ADK: variants seen among roughly 807,000 people sequenced by gnomAD.
ADK encodes the protein N6,N6-dimethyladenosine kinase.
Under a neutral mutation model 44.7 loss-of-function variants are expected in ADK, and 24 were observed. The ratio of observed to expected loss-of-function variants is 0.54; its 90% confidence interval spans 0.39 to 0.76. ADK has a LOEUF of 0.76. ADK is among the 30% of genes least tolerant of loss of function. The pLI, the probability that ADK is intolerant of heterozygous loss-of-function variation, is 0.00. For synonymous variants in ADK, 128 were observed against 142.6 expected, an observed-to-expected ratio of 0.90 and a Z score of 0.73; for missense variants, 321 against 425.1, an observed-to-expected ratio of 0.76 and a Z score of 2.15.
chr10:74,472,311 A>G (rs1033135522), intron 6 of ADK, among the ~76,000 whole-genome samples: 3 of 152,080 alleles, frequency 2.0e-5, no homozygotes, highest in African/African-American at 4.8e-5. Flanking sequence ...TTTCATATAC[A>G]GTCTTTATTG....
chr10:74,538,327 A>T (rs144329073), intron 7 of ADK, among the ~76,000 whole-genome samples: 1 of 152,194 alleles, frequency 6.6e-6, no homozygotes, highest in African/African-American at 2.4e-5. Context: ...CTGCATTGCA[A>T]ATTTTCTTAT....
At chr10:74,701,358 C>T (rs1472540463) in intron 10 of ADK, among the ~76,000 whole-genome samples, 4 of 152,158 alleles carry the variant, frequency 2.6e-5, no homozygotes, top group Admixed American at 2.6e-4. Context: ...TACTTCCCAG[C>T]TCTGTTCATT....
At chr10:74,579,715 C>G (rs1851313545) in intron 7 of ADK, among the ~76,000 whole-genome samples, 1 of 152,164 alleles carries the variant, frequency 6.6e-6, no homozygotes, top group African/African-American at 2.4e-5. Flanking sequence ...CAGAGCTCCA[C>G]AGAGATAGAG....
intron 7 of ADK, among the ~76,000 whole-genome samples, chr10:74,529,071 A>G (rs1849177343): frequency 6.6e-6 from 1 of 152,212 alleles, no homozygotes. Flanking sequence ...ACCAATGTCC[A>G]TAGCAGCATT....
At chr10:74,288,518 C>T (rs1323603940) in intron 3 of ADK, among the ~76,000 whole-genome samples, 1 of 151,940 alleles carries the variant, frequency 6.6e-6, no homozygotes, top group East Asian at 1.9e-4. Context: ...GGCGTGGTGG[C>T]GGGCACCTAT....
At position 74,274,043 on chromosome 10, in the gene ADK, G is replaced by T. The variant is rs866538386; in HGVS notation, c.195-40624G>T. ...CTTAAACATTTTTTTTTTGACTCAA[G>T]ATCAAACTAAATACACTTGGCCATT... On this transcript the variant is annotated intron_variant, in intron 3 of 10. Transcript: ENST00000539909. Among the ~76,000 whole-genome samples, 13 of 151,784 alleles carry T rather than the reference G, an allele frequency of 8.6e-5. No homozygotes were observed. In the South Asian group the frequency reaches 2.1e-3, roughly 24 times the overall value.
chr10:74,638,808 T>A (rs1015711926), intron 9 of ADK, among the ~76,000 whole-genome samples: 1 of 152,108 alleles, frequency 6.6e-6, no homozygotes, highest in Admixed American at 6.6e-5. Context: ...TGTTATTGTT[T>A]TTGTTTGTTT....
At chr10:74,286,967 A>G (rs1272322339) in intron 3 of ADK, among the ~76,000 whole-genome samples, 1 of 152,254 alleles carries the variant, frequency 6.6e-6, no homozygotes, top group East Asian at 1.9e-4. Flanking sequence ...GATTACAAGC[A>G]TGAGCCACCG....
rs562047293 is a variant in ADK at position 74,605,082 on chromosome 10, C to G, written c.877+4589C>G. ...TGTATAGGAATGCTTGTGATTTTTG[C>G]ACATTGATTTTGTATCCTGAGACTT... On this transcript the variant is annotated intron_variant, in intron 9 of 10. Coordinates refer to ENST00000539909, the MANE Select transcript of ADK (RefSeq NM_006721.4). Among the ~76,000 whole-genome samples, 172 of 152,212 alleles carry G rather than the reference C, an allele frequency of 1.1e-3. 1 individual carries two copies. In the Middle Eastern group the frequency reaches 0.014, roughly 12 times the overall value.
chr10:74,160,196 G>T lies in ADK; in HGVS notation c.65+8853G>T, dbSNP rs372608750. On this transcript the variant is annotated intron_variant, in intron 1 of 10. Transcript: ENST00000539909. ...AGGGACAGAGTGGAATCAGCTTTCC[G>T]TAAGTCACACCTACTAATGTGCCAT... Among the ~76,000 whole-genome samples the T allele has an allele frequency of 3.7e-4, 57 of 152,256 alleles. 2 individuals carry two copies. Among genetic ancestry groups the T allele is most frequent in the African/African-American group, 1.3e-3 (56 of 41,544 alleles).
rs371237592 is a variant in ADK at position 74,178,274 on chromosome 10, A to T, written c.66-22490A>T. On this transcript the variant is annotated intron_variant, in intron 1 of 10. Coordinates refer to ENST00000539909, the MANE Select transcript of ADK (RefSeq NM_006721.4). ...CTTCATTCTGTACTAACATAGACAA[A>T]GTACTTATCTCATTATGCAGAAGGA... Among the ~76,000 whole-genome samples, 47 of 152,270 alleles carry T rather than the reference A, an allele frequency of 3.1e-4. 1 individual carries two copies. In the Middle Eastern group the frequency reaches 0.01, roughly 33 times the overall value.
At chr10:74,572,850 C>T (rs1357655212) in intron 7 of ADK, among the ~76,000 whole-genome samples, 1 of 152,168 alleles carries the variant, frequency 6.6e-6, no homozygotes, top group Non-Finnish European at 1.5e-5. Context: ...GCTTTCAGCT[C>T]CATCAGCTCC....
chr10:74,431,649 G>T (rs1353157611), intron 6 of ADK, among the ~76,000 whole-genome samples: 2 of 152,102 alleles, frequency 1.3e-5, no homozygotes, highest in African/African-American at 4.8e-5. Context: ...GCTGAGGCAC[G>T]ATAATTGCTT....
intron 9 of ADK, among the ~76,000 whole-genome samples, chr10:74,632,406 G>C (rs1853473526): frequency 6.6e-6 from 1 of 152,126 alleles, no homozygotes; most frequent in Non-Finnish European, 1.5e-5. Flanking sequence ...TTATTTCACA[G>C]TTCTGAAGGC....
chr10:74,293,488 TCTTAA>T (rs911280530), intron 3 of ADK, among the ~76,000 whole-genome samples: 17 of 152,242 alleles, frequency 1.1e-4, no homozygotes, highest in African/African-American at 9.6e-5. Context: ...TGAACTACTC[TCTTAA>T]CTTGTTATTG....
chr10:74,330,609 A>G (rs1841184554), intron 4 of ADK, among the ~76,000 whole-genome samples: 1 of 152,156 alleles, frequency 6.6e-6, no homozygotes, highest in Non-Finnish European at 1.5e-5. Flanking sequence ...CATTACTTCC[A>G]TATTATTTTT....
chr10:74,559,862 T>G (rs34740358), intron 7 of ADK, among the ~76,000 whole-genome samples: 4,683 of 152,086 alleles, frequency 0.031, 208 homozygotes, highest in African/African-American at 0.095. Context: ...CATGTTGTTT[T>G]TTTTTTTCTT....
chr10:74,385,617 C>G (rs1843115281), intron 4 of ADK, among the ~76,000 whole-genome samples: 1 of 152,154 alleles, frequency 6.6e-6, no homozygotes, highest in South Asian at 2.1e-4. Flanking sequence ...TGAATATACA[C>G]TAAAAATTCT....
intron 6 of ADK, among the ~76,000 whole-genome samples, chr10:74,463,243 G>A (rs1846232852): frequency 6.6e-6 from 1 of 152,084 alleles, no homozygotes; most frequent in South Asian, 2.1e-4. Flanking sequence ...TTATTCAAGT[G>A]CATTGCATTT....
Sources: gnomAD v4.1 joint callset for allele counts (sites outside exome capture counted in the v4.1 genomes callset) on GRCh38, gnomAD v4.1.1 for gene constraint, MANE v1.5 for transcripts, NCBI Gene and HGNC (gene_info 2026-07-23, HGNC 2026-07-21) for gene names.